The following CACNA1B variants were observed in gnomAD, a reference collection of about 807,000 sequenced individuals.
CACNA1B encodes the protein calcium voltage-gated channel subunit alpha1 B, also known as voltage-dependent N-type calcium channel subunit alpha-1B.
In CACNA1B, 70 loss-of-function variants were observed where a neutral mutation model predicts 247.2. That is an observed-to-expected ratio of 0.28 (90% CI 0.23 to 0.35). The LOEUF (loss-of-function observed/expected upper bound fraction) is 0.35, where lower values mean the gene tolerates loss of function less well. CACNA1B is among the 10% of genes least tolerant of loss of function. The pLI is 1.00. For synonymous variants in CACNA1B, 1,231 were observed against 1,294.4 expected, an observed-to-expected ratio of 0.95 and a Z score of 1.05; for missense variants, 2,367 against 3,197.4, an observed-to-expected ratio of 0.74 and a Z score of 6.26.
chr9:138,061,070 C>T (rs768268631), intron 31 of CACNA1B, among the ~76,000 whole-genome samples: 3 of 152,194 alleles, frequency 2.0e-5, no homozygotes, highest in South Asian at 2.1e-4. Context: ...GTAATCCAGT[C>T]GCAGTGAAGA....
chr9:138,109,790 C>T (rs2131359412), intron 39 of CACNA1B, among the ~76,000 whole-genome samples: 1 of 152,254 alleles, frequency 6.6e-6, no homozygotes, highest in South Asian at 2.1e-4. Flanking sequence ...AAACACAAGG[C>T]CAGGCGTTGG....
chr9:138,114,218 G>A (rs1350941563), intron 40 of CACNA1B, among the ~76,000 whole-genome samples, 160 bp from the exon 41 acceptor site: 1 of 152,172 alleles, frequency 6.6e-6, no homozygotes, highest in African/African-American at 2.4e-5. Flanking sequence ...TGGTGGCCGA[G>A]CCCCATGTTC....
chr9:137,971,225 G>A lies in CACNA1B; in HGVS notation c.1334-158G>A, dbSNP rs938522884. Among the ~76,000 whole-genome samples, 1 of 152,140 alleles carries A rather than the reference G, an allele frequency of 6.6e-6. No homozygotes were observed. Among genetic ancestry groups the A allele is most frequent in the Non-Finnish European group, 1.5e-5 (1 of 68,014 alleles). ...GATCATCAGGGCCTTGGTTCCCTCA[G>A]CTGTGAAGTGGAGGTCACAGGGGTC... is the stretch of plus-strand genomic sequence containing the variant. On this transcript the variant is annotated intron_variant, in intron 10 of 46. Coordinates refer to ENST00000371372, the MANE Select transcript of CACNA1B (RefSeq NM_000718.4). The surrounding 1 kb of genome is among the most constrained non-coding windows in gnomAD (Gnocchi z 4.4).
chr9:137,948,422 G>C (rs563049230), intron 6 of CACNA1B, among the ~76,000 whole-genome samples: 1 of 152,008 alleles, frequency 6.6e-6, no homozygotes, highest in East Asian at 1.9e-4. Flanking sequence ...TAATTCTATC[G>C]TTCTTTGTTT....
rs897669861 is a variant in CACNA1B, at chr9:137,950,093, G to C, written c.967-2181G>C. On this transcript the variant is annotated intron_variant, in intron 6 of 46. Coordinates refer to ENST00000371372, the MANE Select transcript of CACNA1B (RefSeq NM_000718.4). The surrounding 1 kb of genome is among the most constrained non-coding windows in gnomAD (Gnocchi z 4.8). ...GGAGGAGGGCTGCTGTCTTGTTGCC[G>C]GTGAGTGCAGAAGTCTAGGTTCCCC... Among the ~76,000 whole-genome samples, 46 of 152,174 alleles carry C rather than the reference G, an allele frequency of 3.0e-4. 3 individuals carry two copies. The highest frequency in any genetic ancestry group is 9.9e-4 in the African/African-American group (41 of 41,436).
intron 10 of CACNA1B, among the ~76,000 whole-genome samples, chr9:137,961,862 A>G (rs1398542497): frequency 6.6e-6 from 1 of 152,068 alleles, no homozygotes; most frequent in Non-Finnish European, 1.5e-5. Context: ...TGTATCTGTC[A>G]GGTTTTGGTA....
rs771702865 is a variant in CACNA1B at position 138,115,570 on chromosome 9, T to C, written c.5668T>C (p.Phe1890Leu). 1.2e-6 allele frequency: 2 copies of C among 1,613,560 alleles called. No individual in the cohort carries two copies. Among genetic ancestry groups the C allele is most frequent in the South Asian group, 2.2e-5 (2 of 91,038 alleles). The change falls in exon 42 of 47, where the codon TTC becomes CTC. Residue 1890 changes from phenylalanine (F) to leucine (L), a missense_variant. Transcript: ENST00000371372. ...GLSQMGPVSLFHPLKATLEQT... is the reference protein window; with the variant it reads ...GLSQMGPVSLLHPLKATLEQT... ...TTTGCAGATGGGTCCTGTGTCCCTG[T>C]TCCACCCTCTGAAGGCCACCCTGGA...
Position 138,023,617 on chromosome 9 carries a change from C to T in CACNA1B, c.2874C>T (p.His958=), listed in dbSNP as rs1958879599. 10 of 1,181,492 alleles carry T rather than the reference C, an allele frequency of 8.5e-6. No individual in the cohort carries two copies. The highest frequency in any genetic ancestry group is 1.0e-5 in the Non-Finnish European group (10 of 953,066). 73.2% of individuals were successfully genotyped at this position (1,181,492 alleles called of 1,614,324 possible). A position where few individuals can be genotyped will look rare whatever the true frequency, so the allele number is the denominator to read the frequency against. The change falls in exon 19 of 47, where the codon CAC becomes CAT. Residue 958 remains histidine (H), a synonymous_variant. Transcript: ENST00000371372. ...AGAKGERRAR[H]RGGPRAGPRE... ...CCAAGGGCGAGCGGCGCGCGCGGCA[C>T]CGCGGCGGCCCCCGAGCGGGGCCCC...
intron 10 of CACNA1B, among the ~76,000 whole-genome samples, chr9:137,966,208 T>C (rs1015698347): frequency 3.3e-5 from 5 of 152,104 alleles, no homozygotes; most frequent in African/African-American, 1.2e-4. Flanking sequence ...TGTATTTACC[T>C]GGGTTCTGCC....
Position 137,919,343 on chromosome 9 carries a change from G to A in CACNA1B, c.966+1912G>A, listed in dbSNP as rs1200917631. 1.3e-5 allele frequency among the ~76,000 whole-genome samples: 2 copies of A among 152,238 alleles called. No homozygotes were observed. The highest frequency in any genetic ancestry group is 2.9e-5 in the Non-Finnish European group (2 of 68,036). On this transcript the variant is annotated intron_variant, in intron 6 of 46. Coordinates refer to ENST00000371372, the MANE Select transcript of CACNA1B (RefSeq NM_000718.4). This position sits in a 1 kb window ranked among gnomAD's most constrained non-coding sequence, Gnocchi z 4.6. ...AGGTTGAGGAGCAGGCAGTGACGAG[G>A]TACAGGGTACTGGGAGGGCAAGGCC...
At chr9:138,044,084 A>G (rs1959165759) in intron 21 of CACNA1B, among the ~76,000 whole-genome samples, 184 bp downstream of exon 21, 1 of 152,226 alleles carries the variant, frequency 6.6e-6, no homozygotes, top group Admixed American at 6.5e-5. Context: ...GGACACGGGC[A>G]CAGGAGGCAG....
At chr9:138,109,505 T>G (rs2131359089) in intron 39 of CACNA1B, among the ~76,000 whole-genome samples, 1 of 152,288 alleles carries the variant, frequency 6.6e-6, no homozygotes, top group East Asian at 1.9e-4. Flanking sequence ...CCTCTGTGTG[T>G]GCAGGGAGAG....
chr9:137,966,412 A>G (rs1016888633), intron 10 of CACNA1B, among the ~76,000 whole-genome samples: 1 of 151,146 alleles, frequency 6.6e-6, no homozygotes, highest in African/African-American at 2.4e-5. Flanking sequence ...TTTGTTTAGC[A>G]GAGACTGGGT....
In CACNA1B at chr9:138,059,903, G is replaced by A. The variant is rs928764715; in HGVS notation, c.4668+166G>A. Reference sequence around the variant, plus strand: ...CAGGGGTGGAGTTTAGGGATTGGGTGTTACCTCAGCAGATGTTCTTTCTTG... The same window carrying A: ...CAGGGGTGGAGTTTAGGGATTGGGTATTACCTCAGCAGATGTTCTTTCTTG... On this transcript the variant is annotated intron_variant, in intron 31 of 46. Coordinates refer to ENST00000371372, the MANE Select transcript of CACNA1B (RefSeq NM_000718.4). This position sits in a 1 kb window ranked among gnomAD's most constrained non-coding sequence, Gnocchi z 4.2. 6.6e-6 allele frequency among the ~76,000 whole-genome samples: 1 copy of A among 152,178 alleles called. No individual in the cohort carries two copies. Among genetic ancestry groups the A allele is most frequent in the African/African-American group, 2.4e-5 (1 of 41,420 alleles).
chr9:138,108,652 ATT>A (rs532418637), intron 39 of CACNA1B, among the ~76,000 whole-genome samples: 3 of 146,204 alleles, frequency 2.1e-5, no homozygotes, highest in Non-Finnish European at 3.0e-5. Flanking sequence ...AGCAAACTGA[ATT>A]TTTTTTTTTT....
chr9:138,090,969 G>C (rs917434902), intron 36 of CACNA1B, among the ~76,000 whole-genome samples: 3 of 152,016 alleles, frequency 2.0e-5, no homozygotes, highest in African/African-American at 7.2e-5. Flanking sequence ...ATACACTCTT[G>C]GTAGGAAGCC....
intron 41 of CACNA1B, 134 bp downstream of exon 41, chr9:138,114,624 T>TA: frequency 1.6e-6 from 1 of 609,892 alleles, no homozygotes; most frequent in Non-Finnish European, 2.9e-6. Context: ...GAAAGATTCT[T>TA]GCAGCTACCT....
At chr9:137,898,020 T>G (rs982336121) in intron 3 of CACNA1B, among the ~76,000 whole-genome samples, 13 of 152,206 alleles carry the variant, frequency 8.5e-5, no homozygotes, top group Non-Finnish European at 1.9e-4. Flanking sequence ...TGGTGACAAA[T>G]TCTCTTAATA....
At chr9:138,063,932 T>C (rs532618657) in intron 31 of CACNA1B, among the ~76,000 whole-genome samples, 24 of 152,310 alleles carry the variant, frequency 1.6e-4, no homozygotes, top group African/African-American at 4.6e-4. Flanking sequence ...TTGAGGACTT[T>C]CCTATTGTTA....
Sources: allele counts gnomAD v4.1 joint callset (sites outside exome capture counted in the v4.1 genomes callset), GRCh38; gene constraint gnomAD v4.1.1; non-coding constraint Gnocchi (gnomAD v3.1); transcripts MANE v1.5; gene names NCBI Gene and HGNC (gene_info 2026-07-23, HGNC 2026-07-21).